Variants in MOXD1 observed in about 807,000 individuals in gnomAD.
MOXD1 encodes monooxygenase DBH like 1, also known as DBH-like monooxygenase protein 1.
In MOXD1, 62 loss-of-function variants were observed where a neutral mutation model predicts 66.6. That is an observed-to-expected ratio of 0.93 (90% CI 0.76 to 1.15). The LOEUF is 1.15. MOXD1 is among the 50% of genes most tolerant of loss of function. The pLI, the probability that MOXD1 is intolerant of heterozygous loss-of-function variation, is 0.00. For synonymous variants in MOXD1, 303 were observed against 281.9 expected (o/e 1.07, Z -0.75); for missense variants, 847 against 754.6 (o/e 1.12, Z -1.44).
At chr6:132,388,590 G>A (rs1470088529) in intron 1 of MOXD1, among the ~76,000 whole-genome samples, 1 of 151,368 alleles carries the variant, frequency 6.6e-6, no homozygotes, top group Non-Finnish European at 1.5e-5. Context: ...ACTATAGCTT[G>A]AGGGCATTTC....
intron 1 of MOXD1, among the ~76,000 whole-genome samples, chr6:132,377,050 G>A (rs1448065609): frequency 6.6e-6 from 1 of 152,158 alleles, no homozygotes; most frequent in Non-Finnish European, 1.5e-5. Flanking sequence ...CTTCTACAGT[G>A]TAGTGGCCAC....
rs182312230 is a variant in MOXD1, at chr6:132,371,523, T to C, written c.663+1085A>G. On this transcript the variant is annotated intron_variant, in intron 4 of 11. Transcript: ENST00000367963. The stretch of plus-strand genomic sequence containing the variant: ...TAAACAAAAGAAAACTAGGGAAATA[T>C]ATTAGAAATTAACAAATTTTAGCCA... Among the ~76,000 whole-genome samples, 624 of 152,218 alleles carry C rather than the reference T, an allele frequency of 4.1e-3. 5 individuals carry two copies. The highest frequency in any genetic ancestry group is 0.024 in the Middle Eastern group (7 of 294).
At chr6:132,358,067 CATATCT>C (rs1475818840) in intron 4 of MOXD1, among the ~76,000 whole-genome samples, 2 of 152,124 alleles carry the variant, frequency 1.3e-5, no homozygotes, top group Non-Finnish European at 2.9e-5. Flanking sequence ...TGTGATAGGT[CATATCT>C]CCATTTTGCC....
intron 4 of MOXD1, among the ~76,000 whole-genome samples, chr6:132,334,154 A>G (rs1042170196): frequency 1.3e-5 from 2 of 152,208 alleles, no homozygotes; most frequent in African/African-American, 4.8e-5. Flanking sequence ...AGTGCTTAAT[A>G]ACTATTTATT....
At chr6:132,311,397 T>C (rs1215436157) in intron 10 of MOXD1, among the ~76,000 whole-genome samples, 1 of 151,682 alleles carries the variant, frequency 6.6e-6, no homozygotes, top group Non-Finnish European at 1.5e-5. Context: ...ACATTAAAAA[T>C]CTTGAAAATA....
intron 1 of MOXD1, among the ~76,000 whole-genome samples, chr6:132,396,268 T>C (rs745513487): frequency 2.6e-5 from 4 of 151,906 alleles, no homozygotes; most frequent in Non-Finnish European, 4.4e-5. Flanking sequence ...ACATGAAAAT[T>C]AAACAACATA....
chr6:132,352,496 G>A (rs1054869542), intron 4 of MOXD1, among the ~76,000 whole-genome samples: 4 of 152,102 alleles, frequency 2.6e-5, no homozygotes, highest in African/African-American at 9.7e-5. Flanking sequence ...GTCTGAGAAA[G>A]TGCTTGATAT....
intron 4 of MOXD1, among the ~76,000 whole-genome samples, chr6:132,358,613 C>T (rs1715471478): frequency 2.0e-5 from 3 of 151,930 alleles, no homozygotes; most frequent in Admixed American, 2.0e-4. Flanking sequence ...TATACTAACA[C>T]CAAAATCATA....
chr6:132,362,570 G>A (rs1776035609), intron 4 of MOXD1, among the ~76,000 whole-genome samples: 1 of 152,004 alleles, frequency 6.6e-6, no homozygotes, highest in African/African-American at 2.4e-5. Flanking sequence ...AGCACTTTAG[G>A]TATTTTGTCA....
At chr6:132,349,477 A>G (rs1333329867) in intron 4 of MOXD1, among the ~76,000 whole-genome samples, 5 of 38,968 alleles carry the variant, frequency 1.3e-4, no homozygotes, top group Non-Finnish European at 2.1e-4. Context: ...ATATATATAT[A>G]TATACATATA....
In MOXD1 at chr6:132,378,875, C is replaced by CTTTTTTTTTTTTT. The variant is rs3038136; in HGVS notation, c.265-4111_265-4099dup. 7.6e-4 allele frequency among the ~76,000 whole-genome samples: 32 copies of CTTTTTTTTTTTTT among 41,916 alleles called. 14 individuals carry two copies. Among genetic ancestry groups the CTTTTTTTTTTTTT allele is most frequent in the Non-Finnish European group, 1.8e-3 (29 of 15,744 alleles). The allele number at this position is 41,916 out of a possible 152,430, so 27.5% of individuals were successfully genotyped here. On this transcript the variant is annotated intron_variant, in intron 1 of 11. Transcript: ENST00000367963. The stretch of plus-strand genomic sequence containing the variant: ...AATGAAAGAGGACAGAACACTTCCT[C>CTTTTTTTTTTTTT]TTTTTTTTTTTTTTTTTTTTTTTTT...
At position 132,317,830 on chromosome 6, in the gene MOXD1, A is replaced by C. The variant is rs1774991794; in HGVS notation, c.1366-2053T>G. ...CCCATTTCAACCAAAGGTGATTACT[A>C]TCTTAATATTTTATCTTTCTGTTGT... On this transcript the variant is annotated intron_variant, in intron 9 of 11. Transcript: ENST00000367963. Among the ~76,000 whole-genome samples the C allele has an allele frequency of 2.0e-5, 3 of 152,078 alleles. No individual in the cohort carries two copies. The South Asian group carries it at 6.2e-4, about 31-fold the overall frequency.
At chr6:132,376,034 CT>C (rs1776372391) in intron 1 of MOXD1, among the ~76,000 whole-genome samples, 1 of 152,044 alleles carries the variant, frequency 6.6e-6, no homozygotes, top group Admixed American at 6.6e-5. Flanking sequence ...CTTCTTATGC[CT>C]TTTACCATTC....
At chr6:132,389,235 C>T (rs376895562) in intron 1 of MOXD1, among the ~76,000 whole-genome samples, 1 of 151,332 alleles carries the variant, frequency 6.6e-6, no homozygotes. Context: ...AATACTTACT[C>T]ATTAAGCTTA....
chr6:132,391,104 A>T (rs988469761), intron 1 of MOXD1: 3 of 151,382 alleles, frequency 2.0e-5, no homozygotes, highest in African/African-American at 7.3e-5. Context: ...CCTAAGGTTT[A>T]GTTTTCTCAC....
intron 4 of MOXD1, among the ~76,000 whole-genome samples, chr6:132,339,281 T>C (rs186079616): frequency 2.6e-4 from 40 of 152,222 alleles, no homozygotes; most frequent in African/African-American, 8.4e-4. Context: ...GTTTTAAGTA[T>C]AAATTTTCCT....
rs1165920400 is a variant in MOXD1 at position 132,349,452 on chromosome 6, CATATATATATATACAT to C, written c.664-20874_664-20859del. On this transcript the variant is annotated intron_variant, in intron 4 of 11. Transcript: ENST00000367963. ...ATATATATACATATATATATATATA[CATATATATATATACAT>C]ATATATATATATACATATATATATA... is the stretch of plus-strand genomic sequence containing the variant. 2.8e-4 allele frequency among the ~76,000 whole-genome samples: 21 copies of C among 74,204 alleles called. 2 individuals are homozygous for C. The highest frequency in any genetic ancestry group is 5.0e-4 in the Non-Finnish European group (21 of 42,140). The allele number at this position is 74,204 out of a possible 152,430, so 48.7% of individuals were successfully genotyped here.
intron 10 of MOXD1, among the ~76,000 whole-genome samples, chr6:132,307,425 C>CT (rs1197251047): frequency 6.6e-6 from 1 of 152,166 alleles, no homozygotes; most frequent in Non-Finnish European, 1.5e-5. Flanking sequence ...TAGTGGGAGA[C>CT]TTTAACACCC....
chr6:132,349,466 CATATAT>C (rs1175675163), intron 4 of MOXD1, among the ~76,000 whole-genome samples: 1 of 12,158 alleles, frequency 8.2e-5, no homozygotes, highest in East Asian at 5.2e-3. Flanking sequence ...TATATATATA[CATATAT>C]ATATATATAC....
Sources: allele counts gnomAD v4.1 joint callset (sites outside exome capture counted in the v4.1 genomes callset), GRCh38; gene constraint gnomAD v4.1.1; transcripts MANE v1.5; gene names NCBI Gene and HGNC (gene_info 2026-07-23, HGNC 2026-07-21).